The following RAB31 variants were observed in gnomAD, a reference collection of about 807,000 sequenced individuals.
RAB31 encodes the protein RAB31, member RAS oncogene family.
RAB31 carries 21 observed loss-of-function variants against 25.6 expected under a neutral mutation model. The ratio of observed to expected loss-of-function variants is 0.82; its 90% CI spans 0.58 to 1.18. The LOEUF (loss-of-function observed/expected upper bound fraction) is 1.18. RAB31 is among the 50% of genes most tolerant of loss of function. The pLI is 0.00. For missense variants in RAB31, 196 were observed against 250.1 expected (o/e 0.78, Z 1.46); for synonymous variants, 87 against 84.0 (o/e 1.04, Z -0.20).
chr18:9,769,457 A>G (rs1193232183), intron 1 of RAB31, among the ~76,000 whole-genome samples: 2 of 152,130 alleles, frequency 1.3e-5, no homozygotes, highest in East Asian at 1.9e-4. Context: ...CTTTGCAGCA[A>G]TTGTGAATGG....
intron 3 of RAB31, among the ~76,000 whole-genome samples, chr18:9,810,862 G>GA (rs149671731): frequency 0.032 from 4,801 of 151,926 alleles, 102 homozygotes; most frequent in South Asian, 0.061. Context: ...AGGCTATTTT[G>GA]AAAAAAATGG....
rs569606230 is a variant in RAB31 at position 9,709,486 on chromosome 18, T to TG, written c.39+1047dup. Among the ~76,000 whole-genome samples, 29 of 152,294 alleles carry TG rather than the reference T, an allele frequency of 1.9e-4. No individual in the cohort carries two copies. The South Asian group carries it at 2.5e-3, about 13-fold the overall frequency. Reference sequence around the variant, plus strand: ...TCTTGTGCGAACTGATCTGTCAAGATGGGGGTACAAGAACTGTAGAAAGAG... The same window carrying TG: ...TCTTGTGCGAACTGATCTGTCAAGATGGGGGGTACAAGAACTGTAGAAAGAG... On this transcript the variant is annotated intron_variant, in intron 1 of 6. Coordinates refer to ENST00000578921, the MANE Select transcript of RAB31 (RefSeq NM_006868.4).
intron 5 of RAB31, among the ~76,000 whole-genome samples, chr18:9,825,372 G>A (rs1265829715): frequency 6.6e-6 from 1 of 152,180 alleles, no homozygotes; most frequent in Non-Finnish European, 1.5e-5. Context: ...CCTACAGGAC[G>A]CTGCATGTCC....
intron 2 of RAB31, among the ~76,000 whole-genome samples, chr18:9,784,088 G>A (rs2068419331): frequency 6.6e-6 from 1 of 152,176 alleles, no homozygotes; most frequent in South Asian, 2.1e-4. Flanking sequence ...CCAAGCTGGA[G>A]TGCAGTGGCA....
chr18:9,746,454 T>C (rs1278829079), intron 1 of RAB31, among the ~76,000 whole-genome samples: 1 of 151,718 alleles, frequency 6.6e-6, no homozygotes, highest in African/African-American at 2.4e-5. Flanking sequence ...AGGCCCCAAA[T>C]AGCCAAAACA....
rs142140128 is a variant in RAB31, at chr18:9,861,699, A to G, written c.*2374A>G. 1.1e-3 allele frequency: 175 copies of G among 152,240 alleles called. 1 individual carries two copies. Among genetic ancestry groups the G allele is most frequent in the African/African-American group, 4.0e-3 (167 of 41,538 alleles). The allele number at this position is 152,240 out of a possible 1,614,324, so 9.4% of individuals were successfully genotyped here. ...TTGCTAAAAAAAGTCATGTAGTTTC[A>G]TGTAGTGTAGCATCCTTGGCATCGT... On this transcript the variant is annotated 3_prime_UTR_variant, in exon 7 of 7. Transcript: ENST00000578921.
intron 1 of RAB31, among the ~76,000 whole-genome samples, chr18:9,761,963 T>C (rs2068291366): frequency 6.6e-6 from 1 of 152,138 alleles, no homozygotes; most frequent in Admixed American, 6.5e-5. Flanking sequence ...CACACCACCA[T>C]GCCTGGCTAA....
intron 2 of RAB31, among the ~76,000 whole-genome samples, chr18:9,780,845 C>T (rs544574335): frequency 5.6e-4 from 86 of 152,266 alleles, no homozygotes; most frequent in African/African-American, 2.0e-3. Context: ...GTAGGAGAAT[C>T]GCTCGAACCC....
chr18:9,789,786 AC>A (rs1230552572), intron 2 of RAB31, among the ~76,000 whole-genome samples: 4 of 152,202 alleles, frequency 2.6e-5, no homozygotes, highest in Non-Finnish European at 5.9e-5. Context: ...CATTTTAAAC[AC>A]TTTTAAAGAA....
At chr18:9,712,297 T>G (rs1244575612) in intron 1 of RAB31, among the ~76,000 whole-genome samples, 1 of 152,176 alleles carries the variant, frequency 6.6e-6, no homozygotes, top group Non-Finnish European at 1.5e-5. Flanking sequence ...GTGGACTTTC[T>G]TGGGTTTATT....
At position 9,775,374 on chromosome 18, in the gene RAB31, C is replaced by T. The variant is rs764662081; in HGVS notation, c.119+17C>T. Reference sequence around the variant, plus strand: ...TACTATTGGGTAAGTTCCTGTATGTCATTCTCCTTCGCGTTGCTTCCTTTC... The same window carrying T: ...TACTATTGGGTAAGTTCCTGTATGTTATTCTCCTTCGCGTTGCTTCCTTTC... On this transcript the variant is annotated intron_variant, in intron 2 of 6. Coordinates refer to ENST00000578921, the MANE Select transcript of RAB31 (RefSeq NM_006868.4). 83 of 1,613,432 alleles carry T rather than the reference C, an allele frequency of 5.1e-5. No individual in the cohort carries two copies. The African/African-American group carries it at 9.3e-4, about 18-fold the overall frequency.
chr18:9,724,067 C>T lies in RAB31; in HGVS notation c.39+15623C>T, dbSNP rs1476925406. Among the ~76,000 whole-genome samples the T allele has an allele frequency of 4.6e-5, 7 of 151,672 alleles. No individual in the cohort carries two copies. In the East Asian group the frequency reaches 7.7e-4, roughly 17 times the overall value. ...CGGGCAGATCACAAGGTCAGGAGAT[C>T]GAGACCATCCCGGCTAAAACGGTGA... On this transcript the variant is annotated intron_variant, in intron 1 of 6. Coordinates refer to ENST00000578921, the MANE Select transcript of RAB31 (RefSeq NM_006868.4).
At chr18:9,792,132 G>A (rs1018974372) in intron 2 of RAB31, 22 bp from the exon 3 acceptor site, 2 of 1,598,826 alleles carry the variant, frequency 1.3e-6, no homozygotes, top group East Asian at 2.2e-5. Flanking sequence ...GTAATGTGGA[G>A]ATGCTGACTC....
At chr18:9,838,587 C>T (rs557139964) in intron 5 of RAB31, among the ~76,000 whole-genome samples, 6 of 152,236 alleles carry the variant, frequency 3.9e-5, no homozygotes, top group Admixed American at 6.5e-5. Flanking sequence ...GAAATTAGAC[C>T]GAGGCAGCTG....
chr18:9,804,923 G>T (rs1483046820), intron 3 of RAB31, among the ~76,000 whole-genome samples: 1 of 152,192 alleles, frequency 6.6e-6, no homozygotes, highest in African/African-American at 2.4e-5. Context: ...CACACGCTCA[G>T]TGGCTTAAAA....
Position 9,766,329 on chromosome 18 carries a change from C to T in RAB31, c.40-8949C>T, listed in dbSNP as rs553383977. 1.1e-4 allele frequency among the ~76,000 whole-genome samples: 16 copies of T among 152,054 alleles called. No individual in the cohort carries two copies. The highest frequency in any genetic ancestry group is 3.4e-4 in the African/African-American group (14 of 41,534). On this transcript the variant is annotated intron_variant, in intron 1 of 6. Coordinates refer to ENST00000578921, the MANE Select transcript of RAB31 (RefSeq NM_006868.4). The surrounding 1 kb of genome is among the most constrained non-coding windows in gnomAD (Gnocchi z 4.3). Reference sequence around the variant, plus strand: ...TGCATCTGCGAGCTCCATCTGCCCCCGGAGTGGGTGAGCCAGGCAAGCGTG... The same window carrying T: ...TGCATCTGCGAGCTCCATCTGCCCCTGGAGTGGGTGAGCCAGGCAAGCGTG...
At chr18:9,718,695 T>C (rs2068056391) in intron 1 of RAB31, among the ~76,000 whole-genome samples, 1 of 152,160 alleles carries the variant, frequency 6.6e-6, no homozygotes, top group Non-Finnish European at 1.5e-5. Context: ...TTTCCTTCAG[T>C]TCTGGAGGCT....
At chr18:9,857,880 T>A (rs1008905495) in intron 6 of RAB31, among the ~76,000 whole-genome samples, 5 of 146,980 alleles carry the variant, frequency 3.4e-5, no homozygotes, top group Admixed American at 2.0e-4. Flanking sequence ...AAAAAAAAAA[T>A]TTATCGGGGC....
At chr18:9,723,542 T>C (rs892054021) in intron 1 of RAB31, 1 of 152,258 alleles carries the variant, frequency 6.6e-6, no homozygotes, top group African/African-American at 2.4e-5. Flanking sequence ...TTAGTCCATT[T>C]TGTGTTTTGT....
Sources: gnomAD v4.1 joint callset for allele counts (sites outside exome capture counted in the v4.1 genomes callset) on GRCh38, gnomAD v4.1.1 for gene constraint, Gnocchi (gnomAD v3.1) non-coding constraint, MANE v1.5 for transcripts, NCBI Gene and HGNC (gene_info 2026-07-23, HGNC 2026-07-21) for gene names.